Variants in LYZL1 observed in about 807,000 individuals in gnomAD.
LYZL1 encodes lysozyme-like protein 1.
LYZL1 carries 16 observed loss-of-function variants against 17.9 expected under a neutral mutation model. That is an observed-to-expected ratio of 0.90 (90% confidence interval 0.61 to 1.36). The LOEUF is 1.36. Among genes scored for constraint, LYZL1 ranks in the 40% most tolerant of loss-of-function variants. The pLI is 0.00. For synonymous variants in LYZL1, 58 were observed against 71.8 expected (o/e 0.81, Z 0.97); for missense variants, 149 against 188.4 (o/e 0.79, Z 1.22).
chr10:29,296,006 G>A (rs186674091), intron 3 of LYZL1, among the ~76,000 whole-genome samples: 1 of 152,256 alleles, frequency 6.6e-6, no homozygotes, highest in East Asian at 1.9e-4. Context: ...TCAGCACTTT[G>A]ACTTCAGCCC....
intron 3 of LYZL1, among the ~76,000 whole-genome samples, chr10:29,302,026 GT>G (rs1235283557): frequency 2.0e-5 from 3 of 151,902 alleles, no homozygotes; most frequent in Non-Finnish European, 4.4e-5. Flanking sequence ...TTTTATTCAT[GT>G]TTTTCTTGAA....
chr10:29,290,460 C>T (rs1387386714), intron 1 of LYZL1, among the ~76,000 whole-genome samples: 1 of 152,152 alleles, frequency 6.6e-6, no homozygotes, highest in African/African-American at 2.4e-5. Flanking sequence ...TCTTGCTCCC[C>T]AGTCAGGTGC....
downstream of LYZL1, among the ~76,000 whole-genome samples, chr10:29,312,391 T>TGAATTCTCTTTTTAGC (rs527401079): frequency 2.6e-4 from 39 of 152,018 alleles, no homozygotes; most frequent in South Asian, 8.1e-3. Flanking sequence ...TTTTTTTTTG[T>TGAATTCTCTTTTTAGC]GATTTCTCTT....
At chr10:29,301,568 TC>T (rs1835518779) in intron 3 of LYZL1, among the ~76,000 whole-genome samples, 1 of 152,194 alleles carries the variant, frequency 6.6e-6, no homozygotes, top group African/African-American at 2.4e-5. Context: ...CTTATCTTTG[TC>T]CCCTGTATGT....
intron 3 of LYZL1, among the ~76,000 whole-genome samples, chr10:29,316,282 G>T (rs189646650): frequency 2.2e-4 from 34 of 152,284 alleles, no homozygotes; most frequent in African/African-American, 7.7e-4. Context: ...CAGGGAAATA[G>T]AACAGGGGAC....
At chr10:29,298,883 C>G (rs148819030) in intron 3 of LYZL1, among the ~76,000 whole-genome samples, 1 of 152,088 alleles carries the variant, frequency 6.6e-6, no homozygotes, top group Non-Finnish European at 1.5e-5. Flanking sequence ...ATGATTCAAG[C>G]GCATTACACT....
chr10:29,306,821 TGTG>T (rs1475209439), intron 3 of LYZL1, among the ~76,000 whole-genome samples: 1 of 141,348 alleles, frequency 7.1e-6, no homozygotes, highest in African/African-American at 2.7e-5. Context: ...TGTGTGTGTG[TGTG>T]TGTGTGAAAG....
chr10:29,306,792 A>ATGTGTGTGTGTG (rs1238882899), intron 3 of LYZL1, among the ~76,000 whole-genome samples: 12 of 91,508 alleles, frequency 1.3e-4, no homozygotes, highest in African/African-American at 5.7e-4. Context: ...GTTACCGCTT[A>ATGTGTGTGTGTG]TGTATGTGTG....
In LYZL1 at chr10:29,289,155, A is replaced by G. The variant is rs2532753; in HGVS notation, c.-101A>G. On this transcript the variant is annotated 5_prime_UTR_variant, in exon 1 of 5. An upstream open reading frame in the 5' UTR loses its in-frame stop. Coordinates refer to ENST00000649382, the MANE Select transcript of LYZL1 (RefSeq NM_032517.6). ...CCCCTGAGCTGCCTGTCACCGACTA[A>G]GTGGAGCAGTGTTTCTTCCGCAGAC... The G allele has an allele frequency of 0.62, 992,940 of 1,592,834 alleles. 313,152 individuals are homozygous for G. Among genetic ancestry groups the G allele is most frequent in the East Asian group, 0.84 (37,301 of 44,396 alleles).
chr10:29,312,955 C>G (rs1261832646), downstream of LYZL1, among the ~76,000 whole-genome samples: 1 of 152,136 alleles, frequency 6.6e-6, no homozygotes, highest in African/African-American at 2.4e-5. Flanking sequence ...AAGAAAGTCT[C>G]CACTGATGAG....
chr10:29,300,687 C>A (rs12416269), intron 3 of LYZL1, among the ~76,000 whole-genome samples: 1 of 151,968 alleles, frequency 6.6e-6, no homozygotes, highest in South Asian at 2.1e-4. Context: ...GTTTTGGTTT[C>A]GGTTTTTTTA....
chr10:29,296,586 C>T (rs938886656), intron 3 of LYZL1, among the ~76,000 whole-genome samples: 4 of 152,196 alleles, frequency 2.6e-5, no homozygotes, highest in Non-Finnish European at 4.4e-5. Flanking sequence ...GAGACCTCAA[C>T]AATCTTTGAG....
At chr10:29,316,654 T>C (rs1966211) in intron 3 of LYZL1, among the ~76,000 whole-genome samples, 1 of 152,022 alleles carries the variant, frequency 6.6e-6, no homozygotes, top group Non-Finnish European at 1.5e-5. Context: ...GCTATTAATA[T>C]ATTTTGATGT....
downstream of LYZL1, among the ~76,000 whole-genome samples, chr10:29,315,907 C>T (rs901781962): frequency 6.6e-6 from 1 of 152,136 alleles, no homozygotes. Flanking sequence ...CAAATAGCCC[C>T]ACTCCAGCCC....
At chr10:29,318,321 A>T in exon 5 of LYZL1, 2 of 314,396 alleles carry the variant, frequency 6.4e-6, no homozygotes, top group Non-Finnish European at 4.6e-6. Context: ...GCCCAGATTC[A>T]TAAGTAATCT....
downstream of LYZL1, among the ~76,000 whole-genome samples, chr10:29,312,229 A>G (rs1005718158): frequency 6.6e-6 from 1 of 152,130 alleles, no homozygotes; most frequent in African/African-American, 2.4e-5. Context: ...TGTAGCTCTT[A>G]CCCCTGACAT....
chr10:29,312,120 C>A (rs1454401917), downstream of LYZL1, among the ~76,000 whole-genome samples: 1 of 152,190 alleles, frequency 6.6e-6, no homozygotes, highest in Non-Finnish European at 1.5e-5. Context: ...GGCAACATAG[C>A]AAGACCCTGT....
At chr10:29,290,345 C>G (rs979552766) in intron 1 of LYZL1, among the ~76,000 whole-genome samples, 31 of 152,130 alleles carry the variant, frequency 2.0e-4, no homozygotes, top group African/African-American at 7.5e-4. Context: ...GGAGACAGCT[C>G]TCTTGATCCT....
In LYZL1 at chr10:29,310,146, G is replaced by T. The variant is rs1835651074; in HGVS notation, c.335G>T (p.Cys112Phe). 1 of 1,612,328 alleles carries T rather than the reference G, an allele frequency of 6.2e-7. No individual in the cohort carries two copies. Among genetic ancestry groups the T allele is most frequent in the Non-Finnish European group, 8.5e-7 (1 of 1,178,568 alleles). The change falls in exon 4 of 5, where the codon TGT (cysteine) becomes TTT (phenylalanine). Residue 112 changes from cysteine (C) to phenylalanine (F), a missense_variant. By Grantham distance (205) the Cys-to-Phe change is radical. Coordinates refer to ENST00000649382, the MANE Select transcript of LYZL1 (RefSeq NM_032517.6). Reference protein sequence around the residue: ...ITDDLTDAIICARKIVKETQG... With the variant: ...ITDDLTDAIIFARKIVKETQG... ...GATGACCTCACAGATGCAATTATCT[G>T]TGCCAGGAAAATTGTTAAAGAGACA...
Sources: allele counts gnomAD v4.1 joint callset (sites outside exome capture counted in the v4.1 genomes callset), GRCh38; gene constraint gnomAD v4.1.1; transcripts MANE v1.5; gene names NCBI Gene and HGNC (gene_info 2026-07-23, HGNC 2026-07-21).